Variants in CABLES2 observed in about 807,000 individuals in gnomAD.
CABLES2 encodes Cdk5 and Abl enzyme substrate 2.
Under a neutral mutation model 44.8 loss-of-function variants are expected in CABLES2, and 35 were observed. That is an observed-to-expected ratio of 0.78 (90% CI 0.60 to 1.04). The LOEUF (loss-of-function observed/expected upper bound fraction) is 1.04. Among genes scored for constraint, CABLES2 ranks in the 50% least tolerant of loss-of-function variants. The probability of loss-of-function intolerance (pLI) is 0.00; values close to 1 mark genes in which losing one functional copy is unlikely to be tolerated. For missense variants in CABLES2, 566 were observed against 615.7 expected, an observed-to-expected ratio of 0.92 and a Z score of 0.85; for synonymous variants, 282 against 281.1, an observed-to-expected ratio of 1.00 and a Z score of -0.03.
rs1987947523 is a variant in CABLES2 at position 62,392,982 on chromosome 20, G to C, written c.922C>G (p.Leu308Val). Residue 308 changes from leucine to valine, a missense_variant, in exon 7 of 10, where the codon CTG (leucine) becomes GTG (valine). Transcript: ENST00000279101. ...CCGCAGGGCCACTGCGGGTCATCCA[G>C]GAGGTTGGGGTTGTACTCCAGGGTG... ...GDTLEYNPNL[L>V]DDPQWPCGKH... 6.2e-7 allele frequency: 1 copy of C among 1,614,044 alleles called. No individual in the cohort carries two copies. Among genetic ancestry groups the C allele is most frequent in the South Asian group, 1.1e-5 (1 of 91,090 alleles).
chr20:62,390,996 TAATG>T lies in CABLES2; in HGVS notation c.1408_1411del (p.His470ThrfsTer226). ...CTAGAACTGCTGGGTGAGGCGCCTG[TAATG>T]AGGTAACACTTGGTTCTCGGGAAGA... On this transcript the variant is annotated frameshift_variant, in exon 10 of 10. Coordinates refer to ENST00000279101, the MANE Select transcript of CABLES2 (RefSeq NM_031215.3). LOFTEE classifies it high-confidence loss of function. 6.2e-6 allele frequency: 10 copies of T among 1,614,070 alleles called. No homozygotes were observed. The highest frequency in any genetic ancestry group is 8.5e-6 in the Non-Finnish European group (10 of 1,180,010).
intron 1 of CABLES2, among the ~76,000 whole-genome samples, chr20:62,398,071 CGGTGGTGGT>C (rs71195454): frequency 5.9e-5 from 4 of 68,234 alleles, no homozygotes; most frequent in Non-Finnish European, 8.1e-5. Context: ...GTGGTGGTGA[CGGTGGTGGT>C]GGTGGTGACG....
chr20:62,405,138 C>T (rs1195343408), intron 1 of CABLES2: 1 of 152,304 alleles, frequency 6.6e-6, no homozygotes, highest in African/African-American at 2.4e-5. Context: ...CTGGTGTCAC[C>T]ATCCGGTTCT....
chr20:62,398,024 G>GAT (rs1601475749), intron 1 of CABLES2, among the ~76,000 whole-genome samples: 1 of 143,108 alleles, frequency 7.0e-6, no homozygotes, highest in Non-Finnish European at 1.6e-5. Flanking sequence ...CGGTGGTGGT[G>GAT]GTGGTGACAG....
intron 1 of CABLES2, among the ~76,000 whole-genome samples, chr20:62,398,104 T>TGGA (rs1569017598): frequency 1.5e-5 from 2 of 134,834 alleles, no homozygotes; most frequent in African/African-American, 5.7e-5. Flanking sequence ...GTGGTGGTGG[T>TGGA]GATGGTGGTG....
intron 1 of CABLES2, among the ~76,000 whole-genome samples, chr20:62,397,999 T>TGGC (rs1988067880): frequency 8.3e-6 from 1 of 120,660 alleles, no homozygotes; most frequent in African/African-American, 3.4e-5. Flanking sequence ...GTGGTGATGA[T>TGGC]GGTGATGGTT....
chr20:62,406,905 C>A lies in CABLES2; in HGVS notation c.362+10G>T. 8.2e-7 allele frequency: 1 copy of A among 1,215,008 alleles called. No homozygotes were observed. The highest frequency in any genetic ancestry group is 1.0e-6 in the Non-Finnish European group (1 of 975,220). The allele number at this position is 1,215,008 out of a possible 1,614,324, so 75.3% of individuals were successfully genotyped here. A position where few individuals can be genotyped will look rare whatever the true frequency, so the allele number is the denominator to read the frequency against. ...GCGTCCTGGGCTGACCTGGCCGGGCCCCCACTCACCTCTGGCGCTGCCCAT... is the reference window on the plus strand; with the variant it reads ...GCGTCCTGGGCTGACCTGGCCGGGCACCCACTCACCTCTGGCGCTGCCCAT... On this transcript the variant is annotated intron_variant, in intron 1 of 9. Coordinates refer to ENST00000279101, the MANE Select transcript of CABLES2 (RefSeq NM_031215.3).
At chr20:62,400,435 G>A in intron 1 of CABLES2, among the ~76,000 whole-genome samples, 1 of 152,196 alleles carries the variant, frequency 6.6e-6, no homozygotes, top group Non-Finnish European at 1.5e-5. Flanking sequence ...CGGACAGACT[G>A]CCCCAAGAGG....
chr20:62,398,058 A>ATGGTGG (rs1333817022), intron 1 of CABLES2, among the ~76,000 whole-genome samples: 1 of 77,280 alleles, frequency 1.3e-5, no homozygotes, highest in Non-Finnish European at 2.5e-5. Flanking sequence ...GGTGATGGCG[A>ATGGTGG]TGGTGGTGGT....
intron 1 of CABLES2, among the ~76,000 whole-genome samples, chr20:62,401,698 T>C (rs1988191290): frequency 6.6e-6 from 1 of 152,044 alleles, no homozygotes; most frequent in African/African-American, 2.4e-5. Context: ...GCCACACGGG[T>C]TGAGAGGCTC....
chr20:62,401,635 G>A (rs970322783), intron 1 of CABLES2, among the ~76,000 whole-genome samples: 2 of 152,240 alleles, frequency 1.3e-5, no homozygotes, highest in East Asian at 3.9e-4. Context: ...CAGGAGGCGG[G>A]ACATGCGCAA....
At chr20:62,400,082 C>T (rs1483527815) in intron 1 of CABLES2, among the ~76,000 whole-genome samples, 3 of 152,234 alleles carry the variant, frequency 2.0e-5, no homozygotes, top group East Asian at 3.8e-4. Context: ...TCCACTAAAA[C>T]GCCTGGTGCC....
At chr20:62,399,114 T>A (rs995505243) in intron 1 of CABLES2, among the ~76,000 whole-genome samples, 7 of 152,100 alleles carry the variant, frequency 4.6e-5, no homozygotes, top group Non-Finnish European at 8.8e-5. Flanking sequence ...GCCCGACAAT[T>A]TTTTTTGTAT....
intron 1 of CABLES2, among the ~76,000 whole-genome samples, chr20:62,398,131 CGGTGGTGATGGTGGTGGT>C (rs1210949896): frequency 5.0e-5 from 2 of 40,012 alleles, no homozygotes; most frequent in East Asian, 9.5e-4. Flanking sequence ...GTGGTTATGA[CGGTGGTGATGGTGGTGGT>C]GGTGGTGACG....
chr20:62,397,948 CGGTAGT>C (rs1177208604), intron 1 of CABLES2, among the ~76,000 whole-genome samples: 9 of 11,140 alleles, frequency 8.1e-4, no homozygotes, highest in South Asian at 3.0e-3. Context: ...ATGGTGGTGA[CGGTAGT>C]GGTGGTGATG....
At chr20:62,398,080 TGGTGGTGAC>T (rs1378047571) in intron 1 of CABLES2, among the ~76,000 whole-genome samples, 24 of 117,026 alleles carry the variant, frequency 2.1e-4, no homozygotes, top group African/African-American at 4.6e-4. Flanking sequence ...ACGGTGGTGG[TGGTGGTGAC>T]GGTGGTGGTG....
At chr20:62,401,425 C>G (rs970019238) in intron 1 of CABLES2, among the ~76,000 whole-genome samples, 2 of 152,244 alleles carry the variant, frequency 1.3e-5, no homozygotes, top group Non-Finnish European at 2.9e-5. Context: ...GGGACGGGCA[C>G]TGGCAAGTGC....
Position 62,392,317 on chromosome 20 carries a change from T to TAC in CABLES2, c.1091+70_1091+71dup, listed in dbSNP as rs1434544914. ...TAGACTTGTCAAGCTGGAGAGAATC[T>TAC]ACCAGAAACTGGAGAGGAGAGGCTG... On this transcript the variant is annotated intron_variant, in intron 8 of 9. Transcript: ENST00000279101. 1.6e-5 allele frequency: 18 copies of TAC among 1,097,006 alleles called. No individual in the cohort carries two copies. In the East Asian group the frequency reaches 4.3e-4, roughly 26 times the overall value. The allele number at this position is 1,097,006 out of a possible 1,614,324, so 68.0% of individuals were successfully genotyped here. A position where few individuals can be genotyped will look rare whatever the true frequency, so the allele number is the denominator to read the frequency against.
intron 1 of CABLES2, among the ~76,000 whole-genome samples, chr20:62,398,184 G>GTGATGGTGATGATGGTGA (rs1333708806): frequency 1.3e-5 from 1 of 74,248 alleles, no homozygotes; most frequent in Non-Finnish European, 3.0e-5. Flanking sequence ...GGTGGTGGTG[G>GTGATGGTGATGATGGTGA]TGATGGTGAT....
Sources: gnomAD v4.1 joint callset for allele counts (sites outside exome capture counted in the v4.1 genomes callset) on GRCh38, gnomAD v4.1.1 for gene constraint, MANE v1.5 for transcripts, NCBI Gene and HGNC (gene_info 2026-07-23, HGNC 2026-07-21) for gene names.